The following TBX3 variants were observed in gnomAD, a reference collection of about 807,000 sequenced individuals.
TBX3 encodes T-box transcription factor 3.
TBX3 carries 11 observed loss-of-function variants against 47.8 expected under a neutral mutation model. That is an observed-to-expected ratio of 0.23 (90% CI 0.14 to 0.38). The LOEUF (loss-of-function observed/expected upper bound fraction) is 0.38. TBX3 is among the 10% of genes least tolerant of loss of function. The pLI is 1.00. For synonymous variants in TBX3, 500 were observed against 449.3 expected (o/e 1.11, Z -1.43); for missense variants, 927 against 1,022.8 (o/e 0.91, Z 1.28).
At position 114,672,315 on chromosome 12, in the gene TBX3, A is replaced by G; in HGVS notation, c.1711-13T>C. ...ACATGGCCAGGCCCTGGGGTGAGAA[A>G]AGAGACACACAGCGAGTCAGCCGGG... On this transcript the variant is annotated splice_polypyrimidine_tract_variant and intron_variant, in intron 6 of 6. Transcript: ENST00000349155. The G allele has an allele frequency of 2.6e-6, 4 of 1,529,562 alleles. No homozygotes were observed. Among genetic ancestry groups the G allele is most frequent in the African/African-American group, 1.4e-5 (1 of 72,218 alleles). The allele number at this position is 1,529,562 out of a possible 1,614,324, so 94.7% of individuals were successfully genotyped here.
intron 2 of TBX3, chr12:114,680,623 T>A (rs2121152249): frequency 3.4e-6 from 2 of 596,890 alleles, no homozygotes; most frequent in African/African-American, 1.9e-5. Context: ...CACTCTCAGG[T>A]CAGGAATCTA....
At chr12:114,682,375 C>T (rs974632829) in intron 1 of TBX3, among the ~76,000 whole-genome samples, 1 of 152,190 alleles carries the variant, frequency 6.6e-6, no homozygotes, top group African/African-American at 2.4e-5. Flanking sequence ...GGAATGGTGT[C>T]AGGCCTCCCA....
chr12:114,670,826 A>C lies in TBX3; in HGVS notation c.*1015T>G, dbSNP rs1437119822. On this transcript the variant is annotated 3_prime_UTR_variant, in exon 7 of 7. Transcript: ENST00000349155. ...AAGAACACAAAACCTGACAGTTGCA[A>C]TTCTATTTACACAGAGCTATGTACA... 4.6e-6 allele frequency: 1 copy of C among 215,810 alleles called. No homozygotes were observed. Among genetic ancestry groups the C allele is most frequent in the African/African-American group, 2.2e-5 (1 of 44,498 alleles). The allele number at this position is 215,810 out of a possible 1,614,324, so 13.4% of individuals were successfully genotyped here. A position where few individuals can be genotyped will look rare whatever the true frequency, so the allele number is the denominator to read the frequency against.
Position 114,683,395 on chromosome 12 carries a change from T to C in TBX3, c.-195A>G, listed in dbSNP as rs540003032. 1.3e-6 allele frequency: 1 copy of C among 743,978 alleles called. No individual in the cohort carries two copies. The highest frequency in any genetic ancestry group is 1.8e-5 in the African/African-American group (1 of 56,592). 46.1% of individuals were successfully genotyped at this position (743,978 alleles called of 1,614,324 possible). On this transcript the variant is annotated 5_prime_UTR_variant, in exon 1 of 7. Transcript: ENST00000349155. This position sits in a 1 kb window ranked among gnomAD's most constrained non-coding sequence, Gnocchi z 7.7. ...CAAAGGGAGGAGGGGAAGTGTCTTT[T>C]GGAGAATGGGAGGCCGCTTTTAAAG...
intron 3 of TBX3, 113 bp from the exon 4 acceptor site, chr12:114,677,769 T>C: frequency 2.1e-6 from 2 of 948,672 alleles, no homozygotes; most frequent in Middle Eastern, 2.1e-4. Flanking sequence ...ACAGAAGTCA[T>C]ATAGATATGC....
At position 114,674,192 on chromosome 12, in the gene TBX3, G is replaced by A; in HGVS notation, c.1683C>T (p.His561=). The A allele has an allele frequency of 2.5e-6, 4 of 1,584,342 alleles. No individual in the cohort carries two copies. Among genetic ancestry groups the A allele is most frequent in the Non-Finnish European group, 3.4e-6 (4 of 1,167,196 alleles). ...GAGAGGCCAGGACGTGCTGCTGGAGGTGGAAGGGCAGGGTGGCCGCGGACG... is the reference window on the plus strand; with the variant it reads ...GAGAGGCCAGGACGTGCTGCTGGAGATGGAAGGGCAGGGTGGCCGCGGACG... ...SGASAATLPF[H]LQQHVLASQG... is the part of the protein sequence containing the mutation. Residue 561 remains histidine, a synonymous_variant, in exon 6 of 7, where the codon CAC becomes CAT. Coordinates refer to ENST00000349155, the MANE Select transcript of TBX3 (RefSeq NM_005996.4).
chr12:114,680,383 A>C, intron 2 of TBX3: 1 of 293,342 alleles, frequency 3.4e-6, no homozygotes, highest in Non-Finnish European at 6.4e-6. Context: ...CATTTAGGGT[A>C]AGCCGGACTC....
intron 6 of TBX3, among the ~76,000 whole-genome samples, chr12:114,673,402 C>T (rs905508882): frequency 1.3e-5 from 2 of 152,244 alleles, no homozygotes; most frequent in African/African-American, 4.8e-5. Flanking sequence ...GCACAGCTGT[C>T]TGAGCCACAC....
rs1165566816 is a variant in TBX3, at chr12:114,683,391, C to G, written c.-191G>C. The G allele has an allele frequency of 1.3e-6, 1 of 759,004 alleles. No homozygotes were observed. The highest frequency in any genetic ancestry group is 2.0e-6 in the Non-Finnish European group (1 of 491,362). The allele number at this position is 759,004 out of a possible 1,614,324, so 47.0% of individuals were successfully genotyped here. ...ACTTCAAAGGGAGGAGGGGAAGTGTCTTTTGGAGAATGGGAGGCCGCTTTT... is the reference window on the plus strand; with the variant it reads ...ACTTCAAAGGGAGGAGGGGAAGTGTGTTTTGGAGAATGGGAGGCCGCTTTT... On this transcript the variant is annotated 5_prime_UTR_variant, in exon 1 of 7. Transcript: ENST00000349155. The surrounding 1 kb of genome is among the most constrained non-coding windows in gnomAD (Gnocchi z 7.7).
chr12:114,676,573 CCTG>C lies in TBX3; in HGVS notation c.882-106_882-104del, dbSNP rs780485137. On this transcript the variant is annotated intron_variant, in intron 4 of 6. Coordinates refer to ENST00000349155, the MANE Select transcript of TBX3 (RefSeq NM_005996.4). Reference sequence around the variant, plus strand: ...CGGCACACACATACCTCACACCCTGCCTGCTGCCCAGGGACAACGCTAATTCAC... The same window carrying C: ...CGGCACACACATACCTCACACCCTGCCTGCCCAGGGACAACGCTAATTCAC... 115 of 1,467,014 alleles carry C rather than the reference CCTG, an allele frequency of 7.8e-5. 1 individual carries two copies. The South Asian group carries it at 1.2e-3, about 15-fold the overall frequency. The allele number at this position is 1,467,014 out of a possible 1,614,324, so 90.9% of individuals were successfully genotyped here. A position where few individuals can be genotyped will look rare whatever the true frequency, so the allele number is the denominator to read the frequency against.
At chr12:114,672,434 GTGT>G (rs1868489253) in intron 6 of TBX3, 132 bp from the exon 7 acceptor site, 49 of 501,520 alleles carry the variant, frequency 9.8e-5, no homozygotes, top group Non-Finnish European at 1.1e-4. Context: ...TGTTGTTGTT[GTGT>G]TTTTTTTTTT....
At chr12:114,672,431 G>T in intron 6 of TBX3, 129 bp from the exon 7 acceptor site, 23 of 599,734 alleles carry the variant, frequency 3.8e-5, no homozygotes, top group South Asian at 1.1e-4. Context: ...TGTTGTTGTT[G>T]TTGTGTTTTT....
chr12:114,671,964 G>T lies in TBX3; in HGVS notation c.2049C>A (p.Ser683=). The T allele has an allele frequency of 6.2e-7, 1 of 1,600,520 alleles. No individual in the cohort carries two copies. The highest frequency in any genetic ancestry group is 2.3e-5 in the East Asian group (1 of 44,216). ...NSRSSTLSSS[S]MSLSPKLCAE... The stretch of plus-strand genomic sequence containing the variant: ...CGCAGAGTTTGGGCGACAAGGACAT[G>T]GAGCTGGAGGAGAGCGTGGAGGAGC... Residue 683 remains serine (S), a synonymous_variant, in exon 7 of 7, where the codon TCC becomes TCA. Coordinates refer to ENST00000349155, the MANE Select transcript of TBX3 (RefSeq NM_005996.4).
chr12:114,674,801 C>A lies in TBX3; in HGVS notation c.1074G>T (p.Glu358Asp). The change falls in exon 6 of 7, where the codon GAG (glutamate) becomes GAT (aspartate). Residue 358 changes from glutamate to aspartate, a missense_variant. Physicochemically the swap from Glu to Asp is conservative, Grantham distance 45. Around this residue, in one of 5 missense-constraint regions of TBX3, gnomAD observed 623 missense variants for 569.0 expected, o/e 1.09. Coordinates refer to ENST00000349155, the MANE Select transcript of TBX3 (RefSeq NM_005996.4). ...LCPSEGESDA[E>D]AESKEEHGPE... is the part of the protein sequence containing the mutation. ...GGCCATGCTCCTCTTTGCTCTCGGC[C>A]TCGGCGTCGCTCTCACCCTCGCTGG... 1 of 1,579,492 alleles carries A rather than the reference C, an allele frequency of 6.3e-7. No homozygotes were observed. Among genetic ancestry groups the A allele is most frequent in the Non-Finnish European group, 8.6e-7 (1 of 1,168,556 alleles).
chr12:114,681,661 C>A (rs773535731), intron 1 of TBX3, among the ~76,000 whole-genome samples: 1 of 152,270 alleles, frequency 6.6e-6, no homozygotes, highest in East Asian at 1.9e-4. Context: ...CCGCTGTGGG[C>A]GAAGTGAAAC....
chr12:114,676,517 C>T (rs1402939833), intron 4 of TBX3, 47 bp from the exon 5 acceptor site: 14 of 1,612,144 alleles, frequency 8.7e-6, no homozygotes, highest in South Asian at 1.1e-5. Flanking sequence ...ACATACATTT[C>T]CCCTCTTTGT....
chr12:114,684,071 G>GGAGAGAGAGAGAGGGGGAGAGAGA lies in TBX3; in HGVS notation c.-872_-871insTCTCTCTCCCCCTCTCTCTCTCTC. The GGAGAGAGAGAGAGGGGGAGAGAGA allele has an allele frequency of 4.5e-6, 1 of 220,170 alleles. No homozygotes were observed. The highest frequency in any genetic ancestry group is 8.9e-6 in the Non-Finnish European group (1 of 111,812). The allele number at this position is 220,170 out of a possible 1,614,324, so 13.6% of individuals were successfully genotyped here. A position where few individuals can be genotyped will look rare whatever the true frequency, so the allele number is the denominator to read the frequency against. On this transcript the variant is annotated 5_prime_UTR_variant, in exon 1 of 7. Coordinates refer to ENST00000349155, the MANE Select transcript of TBX3 (RefSeq NM_005996.4). ...TGGAACAGAGGGAAAGAGAGGGAGG[G>GGAGAGAGAGAGAGGGGGAGAGAGA]GAGAGAGAGAGAGAGAGAGAGAGAC... is the stretch of plus-strand genomic sequence containing the variant.
At position 114,670,570 on chromosome 12, in the gene TBX3, A is replaced by C; in HGVS notation, c.*1271T>G. On this transcript the variant is annotated 3_prime_UTR_variant, in exon 7 of 7. Coordinates refer to ENST00000349155, the MANE Select transcript of TBX3 (RefSeq NM_005996.4). ...CTCTGCCCTCCTCCCTCCCCACAGC[A>C]ATCTCAGTTATATTTTAAGGAATTT... 1 of 203,380 alleles carries C rather than the reference A, an allele frequency of 4.9e-6. No individual in the cohort carries two copies. The allele number at this position is 203,380 out of a possible 1,614,324, so 12.6% of individuals were successfully genotyped here.
Position 114,674,543 on chromosome 12 carries a change from C to G in TBX3, c.1332G>C (p.Pro444=), listed in dbSNP as rs762789569. ...RRSPVREGTA[P]AKVEEARALP... is the part of the protein sequence containing the mutation. ...GCGCGCGCGCCTCTTCCACCTTGGCCGGCGCTGTGCCCTCGCGAACCGGGC... is the reference window on the plus strand; with the variant it reads ...GCGCGCGCGCCTCTTCCACCTTGGCGGGCGCTGTGCCCTCGCGAACCGGGC... Residue 444 remains proline, a synonymous_variant, in exon 6 of 7, where the codon CCG becomes CCC. Coordinates refer to ENST00000349155, the MANE Select transcript of TBX3 (RefSeq NM_005996.4). The G allele has an allele frequency of 3.2e-6, 5 of 1,543,012 alleles. No individual in the cohort carries two copies. Among genetic ancestry groups the G allele is most frequent in the Admixed American group, 2.0e-5 (1 of 50,482 alleles).
Sources: gnomAD v4.1 joint callset for allele counts (sites outside exome capture counted in the v4.1 genomes callset) on GRCh38, gnomAD v4.1.1 for gene constraint, gnomAD v4.1.1 regional missense constraint, Gnocchi (gnomAD v3.1) non-coding constraint, MANE v1.5 for transcripts, NCBI Gene and HGNC (gene_info 2026-07-23, HGNC 2026-07-21) for gene names.